Variants in HYDIN observed in about 807,000 individuals in gnomAD.
The protein encoded by HYDIN is HYDIN axonemal central pair apparatus protein, also known as axonemal central pair apparatus protein HYDIN.
In HYDIN, 132 loss-of-function variants were observed where a neutral mutation model predicts 403.9. The observed-to-expected ratio is 0.33, with a 90% CI of 0.28 to 0.38. HYDIN has a LOEUF of 0.38. Ranked by LOEUF, HYDIN falls within the 10% of genes least tolerant of loss-of-function variation. The pLI is 1.00. For synonymous variants in HYDIN, 1,202 were observed against 1,891.7 expected (o/e 0.64, Z 9.46); for missense variants, 2,827 against 5,009.5 (o/e 0.56, Z 13.15).
intron 45 of HYDIN, among the ~76,000 whole-genome samples, chr16:70,928,457 TA>T (rs1043341480): frequency 2.0e-4 from 30 of 149,164 alleles, no homozygotes; most frequent in Admixed American, 4.7e-4. Flanking sequence ...AGACCCTGCC[TA>T]AAAAAAAAAC....
chr16:70,820,657 A>ATTTT (rs1280292917), intron 83 of HYDIN, among the ~76,000 whole-genome samples: 1 of 138,530 alleles, frequency 7.2e-6, no homozygotes, highest in South Asian at 2.4e-4. Flanking sequence ...TTTAAAACAT[A>ATTTT]TTTTTTTTTG....
Position 70,806,752 on chromosome 16 carries a change from AC to A in HYDIN, c.*827del, listed in dbSNP as rs2035124967. On this transcript the variant is annotated 3_prime_UTR_variant, in exon 86 of 86. Transcript: ENST00000393567. ...AGAAGCAAACCCATGCCAGGGCCAG[AC>A]TTTAACCATCTGCTATACAAGTTAA... is the stretch of plus-strand genomic sequence containing the variant. Among the ~76,000 whole-genome samples, 2 of 152,276 alleles carry A rather than the reference AC, an allele frequency of 1.3e-5. No individual in the cohort carries two copies. Among genetic ancestry groups the A allele is most frequent in the African/African-American group, 4.8e-5 (2 of 41,560 alleles).
At position 70,860,076 on chromosome 16, in the gene HYDIN, T is replaced by C. The variant is rs775199565; in HGVS notation, c.12121A>G (p.Lys4041Glu). The C allele has an allele frequency of 2.7e-5, 43 of 1,610,876 alleles. No homozygotes were observed. The East Asian group carries it at 5.3e-4, about 20-fold the overall frequency. ...TTCTCATCTGCACATACCTCGGCTT[T>C]CTTTTCAGGGTGGATGAAGCCCTTT... ...TEKGFIHPEK[K>E]AEIVFQFTPF... Residue 4041 changes from lysine (K) to glutamate (E), a missense_variant, in exon 71 of 86, where the codon AAA (lysine) becomes GAA (glutamate). By Grantham distance (56) the Lys-to-Glu change is moderately conservative. Transcript: ENST00000393567.
At chr16:71,086,705 C>A (rs1334261484) in intron 12 of HYDIN, among the ~76,000 whole-genome samples, 2 of 152,232 alleles carry the variant, frequency 1.3e-5, no homozygotes, top group African/African-American at 4.8e-5. Context: ...CAGAGCAATA[C>A]TTCCTGATGC....
Position 70,872,425 on chromosome 16 carries a change from CCAT to C in HYDIN, c.10949-249_10949-247del, listed in dbSNP as rs2040180450. On this transcript the variant is annotated intron_variant, in intron 64 of 85. Coordinates refer to ENST00000393567, the MANE Select transcript of HYDIN (RefSeq NM_001270974.2). ...ATCCATCCATCCATCATCCACCCAC[CCAT>C]CATCTACCCATCCATCATCTATCCA... is the stretch of plus-strand genomic sequence containing the variant. 4.0e-5 allele frequency among the ~76,000 whole-genome samples: 6 copies of C among 150,374 alleles called. No individual in the cohort carries two copies. In the South Asian group the frequency reaches 1.3e-3, roughly 32 times the overall value.
chr16:71,033,965 G>C (rs1221099826), intron 18 of HYDIN, among the ~76,000 whole-genome samples: 1 of 152,080 alleles, frequency 6.6e-6, no homozygotes, highest in East Asian at 1.9e-4. Flanking sequence ...GATGTGGAGA[G>C]TATTTAGATG....
chr16:71,193,424 A>G (rs1163338470), intron 1 of HYDIN, among the ~76,000 whole-genome samples: 1 of 152,220 alleles, frequency 6.6e-6, no homozygotes, highest in African/African-American at 2.4e-5. Flanking sequence ...GAAAAGTTAG[A>G]CAAATATATT....
chr16:70,902,408 G>T (rs562774455), intron 52 of HYDIN, among the ~76,000 whole-genome samples: 1 of 148,292 alleles, frequency 6.7e-6, no homozygotes, highest in Non-Finnish European at 1.5e-5. Context: ...CAGGAGTTGA[G>T]ACCAGCCTGG....
intron 14 of HYDIN, 140 bp from the exon 15 acceptor site, chr16:71,067,530 G>GA (rs139282877): frequency 0.25 from 105,617 of 416,234 alleles, 16,091 homozygotes; most frequent in Non-Finnish European, 0.3. Flanking sequence ...ATTTTTAGTT[G>GA]ACAAGTTACA....
At chr16:70,917,393 C>T (rs1001708026) in intron 47 of HYDIN, among the ~76,000 whole-genome samples, 3 of 152,236 alleles carry the variant, frequency 2.0e-5, no homozygotes, top group African/African-American at 7.2e-5. Context: ...TCTCTATCCC[C>T]AATTTACATG....
chr16:70,803,511 C>T lies in HYDIN; in HGVS notation c.*4069G>A, dbSNP rs2034982751. 1.3e-5 allele frequency among the ~76,000 whole-genome samples: 2 copies of T among 152,238 alleles called. No individual in the cohort carries two copies. Among genetic ancestry groups the T allele is most frequent in the Non-Finnish European group, 2.9e-5 (2 of 68,038 alleles). ...TCATTATTTCACAGTTACAATTCAT[C>T]TGCATCTGTGTGATGCTTGGTTGTT... is the stretch of plus-strand genomic sequence containing the variant. On this transcript the variant is annotated 3_prime_UTR_variant, in exon 86 of 86. Coordinates refer to ENST00000393567, the MANE Select transcript of HYDIN (RefSeq NM_001270974.2).
At chr16:71,137,731 T>C (rs921581494) in intron 7 of HYDIN, among the ~76,000 whole-genome samples, 1 of 152,168 alleles carries the variant, frequency 6.6e-6, no homozygotes, top group African/African-American at 2.4e-5. Flanking sequence ...TGATTTGTCA[T>C]TCTTAAAAAT....
intron 1 of HYDIN, among the ~76,000 whole-genome samples, chr16:71,218,877 T>C (rs144997634): frequency 9.8e-4 from 149 of 152,358 alleles, no homozygotes; most frequent in African/African-American, 3.3e-3. Context: ...AGGTTTCATA[T>C]GATATCATCT....
intron 1 of HYDIN, among the ~76,000 whole-genome samples, chr16:71,215,475 A>C (rs917785538): frequency 1.3e-5 from 2 of 152,192 alleles, no homozygotes; most frequent in African/African-American, 4.8e-5. Context: ...GTAAGCTCTT[A>C]TGCTAAAACT....
At chr16:70,971,647 G>C (rs961567113) in intron 35 of HYDIN, among the ~76,000 whole-genome samples, 2 of 151,740 alleles carry the variant, frequency 1.3e-5, no homozygotes, top group Non-Finnish European at 2.9e-5. Flanking sequence ...GCTTGAAGGG[G>C]AAAAAGCAAA....
intron 85 of HYDIN, among the ~76,000 whole-genome samples, chr16:70,808,302 C>G (rs1329361702): frequency 6.6e-6 from 1 of 152,216 alleles, no homozygotes; most frequent in Non-Finnish European, 1.5e-5. Flanking sequence ...CTGAGACACA[C>G]AGCCACATTA....
At chr16:70,949,565 C>T (rs2077995449) in intron 41 of HYDIN, among the ~76,000 whole-genome samples, 1 of 152,206 alleles carries the variant, frequency 6.6e-6, no homozygotes, top group Non-Finnish European at 1.5e-5. Flanking sequence ...TTATGGGCCA[C>T]ATCTTCATTA....
chr16:70,856,089 G>T (rs1252962744), intron 72 of HYDIN, among the ~76,000 whole-genome samples: 1 of 145,360 alleles, frequency 6.9e-6, no homozygotes. Flanking sequence ...GGTCTTTTTT[G>T]TGCATGTCTT....
intron 1 of HYDIN, among the ~76,000 whole-genome samples, chr16:71,217,623 G>A (rs180676221): frequency 4.6e-5 from 7 of 152,324 alleles, no homozygotes; most frequent in African/African-American, 1.7e-4. Context: ...ATGGAGCCGA[G>A]CATAATTAGC....
Sources: allele counts gnomAD v4.1 joint callset (sites outside exome capture counted in the v4.1 genomes callset), GRCh38; gene constraint gnomAD v4.1.1; transcripts MANE v1.5; gene names NCBI Gene and HGNC (gene_info 2026-07-23, HGNC 2026-07-21).